The following TMEM131L variants were observed in gnomAD, a reference collection of about 807,000 sequenced individuals.
TMEM131L encodes transmembrane 131 like.
Under a neutral mutation model 192.2 loss-of-function variants are expected in TMEM131L, and 54 were observed. The observed-to-expected ratio is 0.28, with a 90% confidence interval of 0.23 to 0.35. The LOEUF is 0.35. Among genes scored for constraint, TMEM131L ranks in the 10% least tolerant of loss-of-function variants. The pLI is 1.00. For missense variants in TMEM131L, 1,888 were observed against 1,972.9 expected (o/e 0.96, Z 0.82); for synonymous variants, 701 against 704.9 (o/e 0.99, Z 0.09).
intron 3 of TMEM131L, among the ~76,000 whole-genome samples, chr4:153,502,692 C>T (rs1561137293): frequency 6.6e-6 from 1 of 152,208 alleles, no homozygotes. Flanking sequence ...TCTTATGACA[C>T]TGGTATTAGT....
chr4:153,609,389 C>T (rs1262336851), intron 25 of TMEM131L, among the ~76,000 whole-genome samples: 1 of 152,162 alleles, frequency 6.6e-6, no homozygotes, highest in Non-Finnish European at 1.5e-5. Flanking sequence ...CCCCATGATC[C>T]AGTCACCTCC....
At chr4:153,587,086 G>T (rs1403059818) in intron 14 of TMEM131L, among the ~76,000 whole-genome samples, 1 of 151,928 alleles carries the variant, frequency 6.6e-6, no homozygotes, top group Non-Finnish European at 1.5e-5. Flanking sequence ...TGCTTAACTA[G>T]CTGTAAGCGT....
At chr4:153,492,417 G>A (rs1442284086) in intron 3 of TMEM131L, among the ~76,000 whole-genome samples, 1 of 152,138 alleles carries the variant, frequency 6.6e-6, no homozygotes, top group Non-Finnish European at 1.5e-5. Flanking sequence ...AAATTGATGA[G>A]GCTTCAGGGA....
chr4:153,519,239 C>T (rs1187337675), intron 3 of TMEM131L, among the ~76,000 whole-genome samples: 1 of 152,104 alleles, frequency 6.6e-6, no homozygotes, highest in Non-Finnish European at 1.5e-5. Flanking sequence ...TCTGGAATTT[C>T]AGCAGTTGTT....
chr4:153,578,487 C>T (rs1221463102), intron 7 of TMEM131L, among the ~76,000 whole-genome samples: 1 of 149,646 alleles, frequency 6.7e-6, no homozygotes, highest in Non-Finnish European at 1.5e-5. Context: ...TCCCAAGTAG[C>T]TGGGACTACA....
rs573046425 is a variant in TMEM131L at position 153,590,206 on chromosome 4, T to A, written c.1671-847T>A. Among the ~76,000 whole-genome samples the A allele has an allele frequency of 1.2e-4, 19 of 152,342 alleles. No individual in the cohort carries two copies. The East Asian group carries it at 3.7e-3, about 29-fold the overall frequency. Reference sequence around the variant, plus strand: ...TTTAGACTAGTGTTCCTACCTTTCATCATCTTTCATCATGTTGATACTTTT... The same window carrying A: ...TTTAGACTAGTGTTCCTACCTTTCAACATCTTTCATCATGTTGATACTTTT... On this transcript the variant is annotated intron_variant, in intron 16 of 34. Transcript: ENST00000409959.
In TMEM131L at chr4:153,485,067, C is replaced by T. The variant is rs144384630; in HGVS notation, c.239+11179C>T. 5.7e-3 allele frequency among the ~76,000 whole-genome samples: 817 copies of T among 144,428 alleles called. 11 individuals are homozygous for T. The highest frequency in any genetic ancestry group is 0.02 in the African/African-American group (757 of 38,696). 94.8% of individuals were successfully genotyped at this position (144,428 alleles called of 152,430 possible). ...CCGGGAAGTGGAGCTTGCAGTGAGC[C>T]GAGATCACACCACTGTACTCTGACC... On this transcript the variant is annotated intron_variant, in intron 3 of 34. Transcript: ENST00000409959.
chr4:153,545,909 C>T (rs913247351), intron 3 of TMEM131L, among the ~76,000 whole-genome samples: 6 of 151,676 alleles, frequency 4.0e-5, no homozygotes, highest in Non-Finnish European at 5.9e-5. Context: ...GCAAAATGGC[C>T]CCTTTTATGT....
chr4:153,575,211 C>T (rs997657940), intron 7 of TMEM131L, among the ~76,000 whole-genome samples: 28 of 152,182 alleles, frequency 1.8e-4, no homozygotes, highest in African/African-American at 6.5e-4. Flanking sequence ...CACAGTCCCC[C>T]CAAATCACAC....
chr4:153,493,001 G>A (rs939095207), intron 3 of TMEM131L, among the ~76,000 whole-genome samples: 5 of 152,130 alleles, frequency 3.3e-5, no homozygotes, highest in Admixed American at 3.3e-4. Context: ...GATGACCTGA[G>A]GCAGGAGATT....
At chr4:153,608,549 T>C (rs1732397926) in intron 25 of TMEM131L, among the ~76,000 whole-genome samples, 2 of 152,258 alleles carry the variant, frequency 1.3e-5, no homozygotes, top group African/African-American at 4.8e-5. Context: ...CACGGGTTTC[T>C]ACCTGTAATA....
chr4:153,585,507 G>C lies in TMEM131L; in HGVS notation c.1207G>C (p.Glu403Gln). 1 of 1,614,116 alleles carries C rather than the reference G, an allele frequency of 6.2e-7. No individual in the cohort carries two copies. The highest frequency in any genetic ancestry group is 8.5e-7 in the Non-Finnish European group (1 of 1,179,976). ...AACCCAGTTTCACATAGAGACTCATGAGAACACATCAGGACTTTGGTCAAT... is the reference window on the plus strand; with the variant it reads ...AACCCAGTTTCACATAGAGACTCATCAGAACACATCAGGACTTTGGTCAAT... ...SATQFHIETH[E>Q]NTSGLWSIWY... Residue 403 changes from glutamate to glutamine, a missense_variant, in exon 13 of 35, where the codon GAG becomes CAG. By Grantham distance (29) the Glu-to-Gln change is conservative. Transcript: ENST00000409959.
chr4:153,622,779 A>T, intron 28 of TMEM131L, 119 bp from the exon 29 acceptor site: 1 of 906,926 alleles, frequency 1.1e-6, no homozygotes, highest in South Asian at 1.5e-5. Flanking sequence ...TTGCTAGATG[A>T]GCAGAGGTAG....
At position 153,466,663 on chromosome 4, in the gene TMEM131L, C is replaced by T. The variant is rs529332045; in HGVS notation, c.124+142C>T. 11 of 823,938 alleles carry T rather than the reference C, an allele frequency of 1.3e-5. No homozygotes were observed. In the South Asian group the frequency reaches 6.2e-4, roughly 47 times the overall value. The allele number at this position is 823,938 out of a possible 1,614,324, so 51.0% of individuals were successfully genotyped here. ...AGGAAGGAAAGCTGTTGCGATTCTC[C>T]GCTGATAACATTTTCTGACCACAGC... On this transcript the variant is annotated intron_variant, in intron 1 of 34. Coordinates refer to ENST00000409959, the MANE Select transcript of TMEM131L (RefSeq NM_001131007.2).
chr4:153,584,714 C>G (rs1730585467), intron 11 of TMEM131L, 121 bp from the exon 12 acceptor site: 1 of 568,492 alleles, frequency 1.8e-6, no homozygotes, highest in East Asian at 3.1e-5. Flanking sequence ...ATGTCTGATT[C>G]ACTATTTTAA....
At chr4:153,600,670 C>T (rs1158049348) in intron 21 of TMEM131L, among the ~76,000 whole-genome samples, 3 of 152,186 alleles carry the variant, frequency 2.0e-5, no homozygotes, top group Non-Finnish European at 4.4e-5. Flanking sequence ...TATAAAAACA[C>T]AGAAAGCATT....
chr4:153,543,516 C>T (rs902956729), intron 3 of TMEM131L, among the ~76,000 whole-genome samples: 89 of 152,196 alleles, frequency 5.8e-4, no homozygotes, highest in African/African-American at 2.1e-3. Context: ...ATAGGCGTTT[C>T]CAGGCAGTGA....
At chr4:153,481,933 A>G (rs1182123814) in intron 3 of TMEM131L, among the ~76,000 whole-genome samples, 3 of 151,792 alleles carry the variant, frequency 2.0e-5, no homozygotes, top group Non-Finnish European at 4.4e-5. Context: ...TGCAGCCTCC[A>G]TCTCCCAGGT....
rs535806578 is a variant in TMEM131L at position 153,616,215 on chromosome 4, A to G, written c.3567+3815A>G. Among the ~76,000 whole-genome samples the G allele has an allele frequency of 1.6e-4, 24 of 152,256 alleles. No individual in the cohort carries two copies. In the South Asian group the frequency reaches 3.1e-3, roughly 20 times the overall value. On this transcript the variant is annotated intron_variant, in intron 26 of 34. Transcript: ENST00000409959. Reference sequence around the variant, plus strand: ...ACTTTGTGGCCCAAGGTTGTCCCCAACCAAGTCAACCAAGGTGGATTCTCT... The same window carrying G: ...ACTTTGTGGCCCAAGGTTGTCCCCAGCCAAGTCAACCAAGGTGGATTCTCT...
Sources: gnomAD v4.1 joint callset for allele counts (sites outside exome capture counted in the v4.1 genomes callset) on GRCh38, gnomAD v4.1.1 for gene constraint, MANE v1.5 for transcripts, NCBI Gene and HGNC (gene_info 2026-07-23, HGNC 2026-07-21) for gene names.